The following FAM107A variants were observed in gnomAD, a reference collection of about 807,000 sequenced individuals.
FAM107A encodes family with sequence similarity 107 member A, also known as actin-associated protein FAM107A.
A neutral mutation model predicts 13.7 loss-of-function variants in FAM107A; 19 were observed. The ratio of observed to expected loss-of-function variants is 1.38; its 90% CI spans 0.97 to 2.03. The LOEUF is 2.03. Among genes scored for constraint, FAM107A ranks in the 30% most tolerant of loss-of-function variants. The pLI is 0.00. For synonymous variants in FAM107A, 82 were observed against 74.5 expected (o/e 1.10, Z -0.52); for missense variants, 203 against 184.4 (o/e 1.10, Z -0.58).
chr3:58,599,695 CATTTTTTTTTTTTTTTTTTTT>C (rs2065736328), intron 1 of FAM107A, among the ~76,000 whole-genome samples: 1 of 45,744 alleles, frequency 2.2e-5, no homozygotes, highest in African/African-American at 6.6e-5. Context: ...ACAAGTGCAC[CATTTTTTTTTTTTTTTTTTTT>C]TTTTTTTTTT....
upstream of FAM107A, among the ~76,000 whole-genome samples, chr3:58,580,221 CT>C (rs539891631): frequency 1.3e-4 from 20 of 148,336 alleles, no homozygotes; most frequent in African/African-American, 2.7e-4. Context: ...AGTAGGATCT[CT>C]TTTTTTTTTC....
At chr3:58,592,963 A>G (rs1010718767) in intron 1 of FAM107A, among the ~76,000 whole-genome samples, 4 of 152,186 alleles carry the variant, frequency 2.6e-5, no homozygotes, top group African/African-American at 7.2e-5. Flanking sequence ...TGCATACTCC[A>G]GATTCCCAGC....
chr3:58,614,617 GCCTC>G, intron 1 of FAM107A, among the ~76,000 whole-genome samples: 1 of 145,594 alleles, frequency 6.9e-6, no homozygotes, highest in Non-Finnish European at 1.5e-5. Context: ...CGATTCTCTT[GCCTC>G]AGCCTCCCAA....
chr3:58,587,450 T>C (rs561026043), upstream of FAM107A, among the ~76,000 whole-genome samples: 1 of 151,048 alleles, frequency 6.6e-6, no homozygotes, highest in Non-Finnish European at 1.5e-5. Flanking sequence ...TTTCCTCACA[T>C]GGTTGTGAGG....
At chr3:58,600,136 T>C (rs2065741739) in intron 1 of FAM107A, among the ~76,000 whole-genome samples, 1 of 152,088 alleles carries the variant, frequency 6.6e-6, no homozygotes, top group Non-Finnish European at 1.5e-5. Flanking sequence ...TTCTTCTGGG[T>C]CTTTTGATAG....
chr3:58,591,293 G>A (rs2065652492), upstream of FAM107A, among the ~76,000 whole-genome samples: 1 of 152,132 alleles, frequency 6.6e-6, no homozygotes, highest in Non-Finnish European at 1.5e-5. This position sits in a 1 kb window ranked among gnomAD's most constrained non-coding sequence, Gnocchi z 4.3. Context: ...GGTCTCAATG[G>A]GAAGATGAGA....
Position 58,569,322 on chromosome 3 carries a change from C to T in FAM107A, c.170+369G>A, listed in dbSNP as rs1250199130. ...TTTATGCCCTCATCAATGCACCCAT[C>T]CTACTGCCTGGCTATGCACCCGTCC... On this transcript the variant is annotated intron_variant, in intron 2 of 3. Transcript: ENST00000360997. The surrounding 1 kb of genome is among the most constrained non-coding windows in gnomAD (Gnocchi z 5.7). 1.3e-5 allele frequency among the ~76,000 whole-genome samples: 2 copies of T among 152,192 alleles called. No individual in the cohort carries two copies. Among genetic ancestry groups the T allele is most frequent in the African/African-American group, 4.8e-5 (2 of 41,446 alleles).
At chr3:58,621,052 A>G (rs2065950143) in intron 1 of FAM107A, among the ~76,000 whole-genome samples, 1 of 152,156 alleles carries the variant, frequency 6.6e-6, no homozygotes, top group African/African-American at 2.4e-5. Flanking sequence ...GTGGGAGTGA[A>G]GGAGGTGGCG....
chr3:58,624,340 A>T (rs891467117), intron 1 of FAM107A, among the ~76,000 whole-genome samples: 3 of 152,184 alleles, frequency 2.0e-5, no homozygotes, highest in Non-Finnish European at 2.9e-5. Flanking sequence ...GGGCAGATTT[A>T]AAAAAATGCC....
At chr3:58,587,258 C>T (rs1463113602), upstream of FAM107A, 5 of 455,936 alleles carry the variant, frequency 1.1e-5, no homozygotes, top group African/African-American at 1.0e-4. Flanking sequence ...CGGTCTCCCA[C>T]CTACTCTTCT....
intron 1 of FAM107A, among the ~76,000 whole-genome samples, chr3:58,612,032 T>C (rs1296135081): frequency 6.6e-6 from 1 of 152,088 alleles, no homozygotes; most frequent in Non-Finnish European, 1.5e-5. Context: ...CTTAAGGATC[T>C]GACAAGGCCA....
Position 58,564,691 on chromosome 3 carries a change from A to C in FAM107A, c.*1897T>G, listed in dbSNP as rs774869978. ...GACCCTCTGTCTTGCTTCTCTTCAC[A>C]TGTCTGAACAACACATGGACCCGAG... On this transcript the variant is annotated 3_prime_UTR_variant, in exon 4 of 4. Coordinates refer to ENST00000360997, the MANE Select transcript of FAM107A (RefSeq NM_001076778.3). This position sits in a 1 kb window ranked among gnomAD's most constrained non-coding sequence, Gnocchi z 5.6. 9 of 152,190 alleles carry C rather than the reference A, an allele frequency of 5.9e-5. No homozygotes were observed. Among genetic ancestry groups the C allele is most frequent in the Non-Finnish European group, 1.3e-4 (9 of 68,042 alleles). 9.4% of individuals were successfully genotyped at this position (152,190 alleles called of 1,614,324 possible). A position where few individuals can be genotyped will look rare whatever the true frequency, so the allele number is the denominator to read the frequency against.
At chr3:58,576,141 T>G (rs1386689190) in intron 1 of FAM107A, among the ~76,000 whole-genome samples, 2 of 152,200 alleles carry the variant, frequency 1.3e-5, no homozygotes, top group Non-Finnish European at 1.5e-5. Context: ...GAACAGTGTA[T>G]CTCGGAGCCA....
chr3:58,593,633 G>A lies in FAM107A; in HGVS notation c.-69-4364C>T, dbSNP rs369952875. On this transcript the variant is annotated intron_variant, in intron 1 of 3. Transcript: ENST00000465970. ...TTATCCTTGCCCCTGTTCTCCAGTC[G>A]CTCCCTACCCTTCCCTAATTACCTC... Among the ~76,000 whole-genome samples, 58 of 150,220 alleles carry A rather than the reference G, an allele frequency of 3.9e-4. No homozygotes were observed. In the South Asian group the frequency reaches 6.6e-3, roughly 17 times the overall value.
intron 1 of FAM107A, among the ~76,000 whole-genome samples, chr3:58,615,413 T>G (rs2065892420): frequency 6.6e-6 from 1 of 152,206 alleles, no homozygotes; most frequent in African/African-American, 2.4e-5. Flanking sequence ...CCTCCAAGTT[T>G]CAATATATAG....
At chr3:58,618,009 G>A (rs747490623) in intron 1 of FAM107A, among the ~76,000 whole-genome samples, 23 of 152,192 alleles carry the variant, frequency 1.5e-4, no homozygotes, top group African/African-American at 3.4e-4. Flanking sequence ...TGAGTCGAGC[G>A]TCTGCTTTGG....
intron 1 of FAM107A, among the ~76,000 whole-genome samples, chr3:58,606,387 T>C (rs1245372761): frequency 1.3e-5 from 2 of 152,210 alleles, no homozygotes; most frequent in Non-Finnish European, 2.9e-5. Context: ...TGAGCCACCA[T>C]GCCCGGCCTA....
intron 2 of FAM107A, 136 bp from the exon 3 acceptor site, chr3:58,567,500 A>T: frequency 1.0e-6 from 1 of 955,764 alleles, no homozygotes; most frequent in Admixed American, 2.7e-5. Context: ...AGGTGGACCC[A>T]TTACTGTCCC....
intron 1 of FAM107A, chr3:58,607,784 CA>C (rs1258739545): frequency 3.9e-5 from 6 of 152,200 alleles, no homozygotes; most frequent in Non-Finnish European, 8.8e-5. Flanking sequence ...AAGCAAGCAG[CA>C]AACCTCTGGG....
Sources: gnomAD v4.1 joint callset for allele counts (sites outside exome capture counted in the v4.1 genomes callset) on GRCh38, gnomAD v4.1.1 for gene constraint, Gnocchi (gnomAD v3.1) non-coding constraint, MANE v1.5 for transcripts, NCBI Gene and HGNC (gene_info 2026-07-23, HGNC 2026-07-21) for gene names.